The following DGKB variants were observed in gnomAD, a reference collection of about 807,000 sequenced individuals.
DGKB encodes the protein 90 kDa diacylglycerol kinase.
Under a neutral mutation model 114.3 loss-of-function variants are expected in DGKB, and 67 were observed. The ratio of observed to expected loss-of-function variants is 0.59; its 90% CI spans 0.48 to 0.72. The LOEUF (loss-of-function observed/expected upper bound fraction) is 0.72, where lower values mean the gene tolerates loss of function less well. Ranked by LOEUF, DGKB falls within the 30% of genes least tolerant of loss-of-function variation. DGKB has a pLI of 0.00. For missense variants in DGKB, 907 were observed against 975.2 expected (o/e 0.93, Z 0.93); for synonymous variants, 398 against 323.1 (o/e 1.23, Z -2.49).
At chr7:14,457,574 C>G (rs149507281) in intron 21 of DGKB, among the ~76,000 whole-genome samples, 1 of 152,180 alleles carries the variant, frequency 6.6e-6, no homozygotes. Flanking sequence ...TTATTTCAGA[C>G]ATTTTGCATT....
intron 13 of DGKB, among the ~76,000 whole-genome samples, chr7:14,631,805 G>T (rs899870559): frequency 2.6e-5 from 4 of 151,936 alleles, no homozygotes; most frequent in African/African-American, 9.7e-5. Flanking sequence ...GAATAAAATT[G>T]CAAGACATGG....
intron 21 of DGKB, among the ~76,000 whole-genome samples, chr7:14,477,605 G>T (rs1447139063): frequency 6.6e-6 from 1 of 151,946 alleles, no homozygotes; most frequent in East Asian, 1.9e-4. Flanking sequence ...CTACATTTTT[G>T]AAGAAAAAAT....
chr7:14,720,917 A>T (rs1026302595), intron 5 of DGKB, among the ~76,000 whole-genome samples: 2 of 152,104 alleles, frequency 1.3e-5, no homozygotes, highest in Non-Finnish European at 2.9e-5. Context: ...CTGCAGGAAT[A>T]AGCAGTTCCA....
At chr7:14,855,276 A>C (rs1164504103) in intron 1 of DGKB, among the ~76,000 whole-genome samples, 1 of 152,200 alleles carries the variant, frequency 6.6e-6, no homozygotes, top group African/African-American at 2.4e-5. Flanking sequence ...CCTAAATCAC[A>C]CAGTGACATT....
At chr7:14,184,935 G>A (rs910252646) in intron 23 of DGKB, among the ~76,000 whole-genome samples, 17 of 152,148 alleles carry the variant, frequency 1.1e-4, no homozygotes, top group African/African-American at 3.6e-4. Context: ...ATGGGGAGAA[G>A]TTGAAAGCAT....
At position 14,772,593 on chromosome 7, in the gene DGKB, T is replaced by C. The variant is rs370516027; in HGVS notation, c.71-14862A>G. The stretch of plus-strand genomic sequence containing the variant: ...ATCTTTAAAGTTTAGATCACATAGA[T>C]AAAATAATGTAGCTATTGGATATGA... On this transcript the variant is annotated intron_variant, in intron 2 of 25. Transcript: ENST00000402815. 3.3e-5 allele frequency among the ~76,000 whole-genome samples: 5 copies of C among 152,278 alleles called. No individual in the cohort carries two copies. The South Asian group carries it at 8.3e-4, about 25-fold the overall frequency.
At chr7:14,873,958 A>T (rs980637981) in intron 1 of DGKB, among the ~76,000 whole-genome samples, 13 of 152,130 alleles carry the variant, frequency 8.5e-5, no homozygotes, top group African/African-American at 2.4e-4. Flanking sequence ...ACATAAAAAT[A>T]GAATGCTGTA....
intron 1 of DGKB, among the ~76,000 whole-genome samples, chr7:14,968,749 A>G (rs1173563027): frequency 6.6e-6 from 1 of 152,150 alleles, no homozygotes; most frequent in Admixed American, 6.6e-5. Flanking sequence ...TGGAAGCAAA[A>G]TGTGATATTT....
rs534404281 is a variant in DGKB, at chr7:14,597,757, A to G, written c.1433+9677T>C. On this transcript the variant is annotated intron_variant, in intron 17 of 25. Transcript: ENST00000402815. ...CACCTAAGACTTGAGTCTTATTATT[A>G]TTATTATTTTGGTCCAGAAGGTTCC... Among the ~76,000 whole-genome samples the G allele has an allele frequency of 1.1e-3, 164 of 152,078 alleles. 1 individual carries two copies. The highest frequency in any genetic ancestry group is 1.7e-3 in the Non-Finnish European group (118 of 67,994).
chr7:14,769,505 T>C (rs892151667), intron 2 of DGKB, among the ~76,000 whole-genome samples: 2 of 151,540 alleles, frequency 1.3e-5, no homozygotes, highest in African/African-American at 4.8e-5. Flanking sequence ...ACAAGCACCA[T>C]CTCATAAATT....
At chr7:14,232,160 G>A (rs1364800217) in intron 23 of DGKB, among the ~76,000 whole-genome samples, 2 of 151,858 alleles carry the variant, frequency 1.3e-5, no homozygotes, top group Non-Finnish European at 2.9e-5. Flanking sequence ...AGTAATATAA[G>A]AGGATTAAAT....
chr7:14,471,780 T>C (rs1366165498), intron 21 of DGKB, among the ~76,000 whole-genome samples: 1 of 151,940 alleles, frequency 6.6e-6, no homozygotes, highest in Non-Finnish European at 1.5e-5. Context: ...GTAAGATATA[T>C]AGAAAAATAT....
At chr7:14,952,937 CA>C (rs1369554766) in intron 1 of DGKB, among the ~76,000 whole-genome samples, 1 of 151,884 alleles carries the variant, frequency 6.6e-6, no homozygotes, top group Non-Finnish European at 1.5e-5. Context: ...GTTTCAACAA[CA>C]GTGAAAAAAC....
chr7:14,843,608 A>T (rs903546813), intron 1 of DGKB, among the ~76,000 whole-genome samples: 2 of 152,158 alleles, frequency 1.3e-5, no homozygotes, highest in African/African-American at 4.8e-5. Flanking sequence ...TGCTGGGATT[A>T]CAGGCGTGAG....
intron 24 of DGKB, among the ~76,000 whole-genome samples, chr7:14,177,422 G>T (rs1781926480): frequency 6.6e-6 from 1 of 151,930 alleles, no homozygotes; most frequent in African/African-American, 2.4e-5. Context: ...AGGATGTGTT[G>T]GCGGGTGCCT....
intron 23 of DGKB, among the ~76,000 whole-genome samples, chr7:14,293,257 A>T (rs1802041448): frequency 6.6e-6 from 1 of 152,194 alleles, no homozygotes; most frequent in African/African-American, 2.4e-5. Flanking sequence ...TGCAGAAATC[A>T]TGTCAAGAAG....
At chr7:14,188,520 C>A (rs1024268872) in intron 23 of DGKB, among the ~76,000 whole-genome samples, 2 of 144,586 alleles carry the variant, frequency 1.4e-5, no homozygotes, top group Non-Finnish European at 3.0e-5. Flanking sequence ...ATTAGCCGGG[C>A]GTGGTGGCGG....
At chr7:14,185,834 G>T (rs539227077) in intron 23 of DGKB, among the ~76,000 whole-genome samples, 23 of 152,134 alleles carry the variant, frequency 1.5e-4, no homozygotes, top group African/African-American at 5.6e-4. Context: ...AATAAAACTG[G>T]ATCCTTATCT....
intron 23 of DGKB, among the ~76,000 whole-genome samples, chr7:14,197,380 C>T (rs550232049): frequency 6.6e-6 from 1 of 151,932 alleles, no homozygotes; most frequent in Non-Finnish European, 1.5e-5. Context: ...GAAGACTAAA[C>T]TTGAACAAAC....
Sources: gnomAD v4.1 joint callset for allele counts (sites outside exome capture counted in the v4.1 genomes callset) on GRCh38, gnomAD v4.1.1 for gene constraint, MANE v1.5 for transcripts, NCBI Gene and HGNC (gene_info 2026-07-23, HGNC 2026-07-21) for gene names.